DNAH7: variants seen among roughly 807,000 people sequenced by gnomAD.
DNAH7 encodes axonemal beta dynein heavy chain 7.
A neutral mutation model predicts 444.6 loss-of-function variants in DNAH7; 397 were observed. The observed-to-expected ratio is 0.89, with a 90% CI of 0.82 to 0.97. The LOEUF (loss-of-function observed/expected upper bound fraction) is 0.97, where lower values mean the gene tolerates loss of function less well. DNAH7 is among the 50% of genes least tolerant of loss of function. The probability of loss-of-function intolerance (pLI) is 0.00; values close to 1 mark genes in which losing one functional copy is unlikely to be tolerated. For missense variants in DNAH7, 4,902 were observed against 4,800.8 expected, an observed-to-expected ratio of 1.02 and a Z score of -0.62; for synonymous variants, 1,636 against 1,624.4, an observed-to-expected ratio of 1.01 and a Z score of -0.17.
At chr2:195,788,068 A>G (rs184322488) in intron 57 of DNAH7, among the ~76,000 whole-genome samples, 1 of 152,230 alleles carries the variant, frequency 6.6e-6, no homozygotes, top group Non-Finnish European at 1.5e-5. Flanking sequence ...TCACAGTCAC[A>G]GAAGTCCAGC....
At chr2:195,909,873 CT>C (rs544318966) in intron 25 of DNAH7, among the ~76,000 whole-genome samples, 153 bp downstream of exon 25, 16 of 152,266 alleles carry the variant, frequency 1.1e-4, no homozygotes, top group African/African-American at 3.8e-4. Flanking sequence ...TTGCTATAAC[CT>C]TATTTCCTTT....
intron 19 of DNAH7, among the ~76,000 whole-genome samples, chr2:195,953,814 G>C (rs1193990100): frequency 2.0e-5 from 3 of 152,074 alleles, no homozygotes; most frequent in Non-Finnish European, 4.4e-5. Flanking sequence ...CCTTTATTAG[G>C]AACTCCTAAG....
At chr2:195,987,029 C>A in intron 14 of DNAH7, 37 bp downstream of exon 14, 2 of 1,533,452 alleles carry the variant, frequency 1.3e-6, no homozygotes, top group Admixed American at 2.2e-5. Flanking sequence ...TAAACATCCC[C>A]TCCCAAAAAA....
At chr2:195,828,348 G>A (rs1272653349) in intron 48 of DNAH7, among the ~76,000 whole-genome samples, 1 of 152,052 alleles carries the variant, frequency 6.6e-6, no homozygotes, top group Non-Finnish European at 1.5e-5. Flanking sequence ...ATTTTGGGAG[G>A]CCGAGGCGGG....
At position 195,872,457 on chromosome 2, in the gene DNAH7, T is replaced by C. The variant is rs1334186243; in HGVS notation, c.6426A>G (p.Pro2142=). ...TWHLEICYKF[P]DEFLDLTTQI... ...GTGTGGTCAAATCTAGAAATTCATC[T>C]GGAAATTTATAACTTAAAAATTTTT... is the stretch of plus-strand genomic sequence containing the variant. Residue 2142 remains proline (P), a synonymous_variant, in exon 40 of 65, where the codon CCA becomes CCG. Coordinates refer to ENST00000312428, the MANE Select transcript of DNAH7 (RefSeq NM_018897.3). 6.3e-7 allele frequency: 1 copy of C among 1,586,764 alleles called. No homozygotes were observed. Among genetic ancestry groups the C allele is most frequent in the East Asian group, 2.3e-5 (1 of 44,272 alleles).
intron 13 of DNAH7, 88 bp from the exon 14 acceptor site, chr2:195,987,281 T>G: frequency 1.0e-6 from 1 of 953,140 alleles, no homozygotes. Flanking sequence ...TTTTTATTTT[T>G]GTGTGTGATG....
At chr2:195,983,858 C>T (rs996360760) in intron 15 of DNAH7, among the ~76,000 whole-genome samples, 1 of 152,074 alleles carries the variant, frequency 6.6e-6, no homozygotes, top group Non-Finnish European at 1.5e-5. Context: ...GTTGATAAAA[C>T]AAATGAAGAG....
At chr2:195,914,345 G>A (rs527633380) in intron 24 of DNAH7, among the ~76,000 whole-genome samples, 1 of 152,326 alleles carries the variant, frequency 6.6e-6, no homozygotes, top group East Asian at 1.9e-4. Flanking sequence ...ATATACACAT[G>A]TAATGTTAAC....
At chr2:196,036,879 G>A (rs1696427702) in intron 5 of DNAH7, among the ~76,000 whole-genome samples, 1 of 152,044 alleles carries the variant, frequency 6.6e-6, no homozygotes, top group Non-Finnish European at 1.5e-5. Flanking sequence ...GCTCAACACT[G>A]CCGGTGCCCA....
intron 48 of DNAH7, among the ~76,000 whole-genome samples, chr2:195,830,524 T>C (rs1338703806): frequency 6.6e-6 from 1 of 152,134 alleles, no homozygotes; most frequent in African/African-American, 2.4e-5. Context: ...TCAGCACCTA[T>C]CAGGTGCCCT....
At chr2:195,961,607 T>TC (rs1392209865) in intron 17 of DNAH7, among the ~76,000 whole-genome samples, 1 of 152,198 alleles carries the variant, frequency 6.6e-6, no homozygotes, top group Non-Finnish European at 1.5e-5. Flanking sequence ...TGAATAGCAT[T>TC]CCCCTATTTC....
chr2:195,740,107 C>CCTA (rs1418165747), intron 64 of DNAH7, among the ~76,000 whole-genome samples: 1 of 152,130 alleles, frequency 6.6e-6, no homozygotes, highest in African/African-American at 2.4e-5. Flanking sequence ...CCTCAGCCTC[C>CCTA]CTAGTAGCTG....
At chr2:195,738,372 C>T (rs1224881502) in intron 64 of DNAH7, among the ~76,000 whole-genome samples, 2 of 151,938 alleles carry the variant, frequency 1.3e-5, no homozygotes, top group Non-Finnish European at 2.9e-5. Context: ...TCTCACTCAG[C>T]CACAATTACC....
At chr2:195,884,112 T>C (rs1701574433) in intron 35 of DNAH7, among the ~76,000 whole-genome samples, 1 of 152,230 alleles carries the variant, frequency 6.6e-6, no homozygotes, top group South Asian at 2.1e-4. Context: ...GTACAATACT[T>C]GTGGGTGGGA....
At position 196,068,785 on chromosome 2, in the gene DNAH7, G is replaced by T; in HGVS notation, c.-74C>A. Reference sequence around the variant, plus strand: ...CCGCGGAACCCCTAGGACGATAGAGGCAGGGCCCCGGGACTTGCAGCGGTC... The same window carrying T: ...CCGCGGAACCCCTAGGACGATAGAGTCAGGGCCCCGGGACTTGCAGCGGTC... On this transcript the variant is annotated 5_prime_UTR_variant, in exon 1 of 65. Transcript: ENST00000312428. The T allele has an allele frequency of 6.5e-7, 1 of 1,532,674 alleles. No homozygotes were observed. Among genetic ancestry groups the T allele is most frequent in the Non-Finnish European group, 8.8e-7 (1 of 1,135,486 alleles). 94.9% of individuals were successfully genotyped at this position (1,532,674 alleles called of 1,614,324 possible).
At chr2:195,915,768 T>C (rs1165912714) in intron 24 of DNAH7, among the ~76,000 whole-genome samples, 1 of 152,148 alleles carries the variant, frequency 6.6e-6, no homozygotes, top group Non-Finnish European at 1.5e-5. Flanking sequence ...TTTTTTCTCT[T>C]GGATTCAGTT....
chr2:195,788,309 T>C (rs986941821), intron 57 of DNAH7, among the ~76,000 whole-genome samples: 1 of 152,164 alleles, frequency 6.6e-6, no homozygotes, highest in Non-Finnish European at 1.5e-5. Flanking sequence ...CAACTCCATC[T>C]TCCCCCAAGG....
intron 22 of DNAH7, among the ~76,000 whole-genome samples, chr2:195,926,033 G>A (rs1194742832): frequency 6.6e-6 from 1 of 152,018 alleles, no homozygotes; most frequent in Non-Finnish European, 1.5e-5. Flanking sequence ...GTCAACTGGA[G>A]CCTTATCTAT....
At position 195,771,753 on chromosome 2, in the gene DNAH7, G is replaced by T. The variant is rs757706559; in HGVS notation, c.11340C>A (p.Ser3780Arg). ...TCTCTTGGACAAGTACAGTGTTCAT[G>T]CTCTGAGTATAAGTTGTTGGGTACC... ...MRRYPTTYTQ[S>R]MNTVLVQEMG... Residue 3780 changes from serine to arginine, a missense_variant, in exon 61 of 65, where the codon AGC becomes AGA. By Grantham distance (110) the Ser-to-Arg change is moderately radical (BLOSUM62 -1). Transcript: ENST00000312428. 2 of 1,614,140 alleles carry T rather than the reference G, an allele frequency of 1.2e-6. No individual in the cohort carries two copies. The highest frequency in any genetic ancestry group is 3.3e-5 in the Admixed American group (2 of 60,030).
Sources: gnomAD v4.1 joint callset for allele counts (sites outside exome capture counted in the v4.1 genomes callset) on GRCh38, gnomAD v4.1.1 for gene constraint, MANE v1.5 for transcripts, NCBI Gene and HGNC (gene_info 2026-07-23, HGNC 2026-07-21) for gene names.